Variants in ARHGEF16 observed in about 807,000 individuals in gnomAD.
The protein encoded by ARHGEF16 is Rho guanine exchange factor (GEF) 16.
A neutral mutation model predicts 74.1 loss-of-function variants in ARHGEF16; 59 were observed. The ratio of observed to expected loss-of-function variants is 0.80; its 90% CI spans 0.65 to 0.99. The LOEUF (loss-of-function observed/expected upper bound fraction) is 0.99, where lower values mean the gene tolerates loss of function less well. Among genes scored for constraint, ARHGEF16 ranks in the 50% least tolerant of loss-of-function variants. The pLI is 0.00. For synonymous variants in ARHGEF16, 415 were observed against 412.6 expected (o/e 1.01, Z -0.07); for missense variants, 948 against 986.6 (o/e 0.96, Z 0.52).
intron 11 of ARHGEF16, 56 bp from the exon 12 acceptor site, chr1:3,478,368 C>G: frequency 1.3e-6 from 2 of 1,522,330 alleles, no homozygotes; most frequent in South Asian, 2.5e-5. Flanking sequence ...GGGAGCCCAG[C>G]AGCACTGGGT....
intron 3 of ARHGEF16, among the ~76,000 whole-genome samples, chr1:3,466,502 G>A (rs1639549285): frequency 6.6e-6 from 1 of 152,168 alleles, no homozygotes; most frequent in African/African-American, 2.4e-5. Flanking sequence ...TGGCCGTGTT[G>A]GGGGACCAAG....
chr1:3,472,712 AAGGGCGAAGGGCACCAAC>A, intron 6 of ARHGEF16: 1 of 174,966 alleles, frequency 5.7e-6, no homozygotes, highest in Non-Finnish European at 1.2e-5. Flanking sequence ...AAGGAGCTTG[AAGGGCGAAGGGCACCAAC>A]TGGACAGGGC....
chr1:3,459,025 C>T (rs1411019770), intron 1 of ARHGEF16, among the ~76,000 whole-genome samples: 2 of 152,156 alleles, frequency 1.3e-5, no homozygotes. Context: ...AGTGGGTATT[C>T]CAAAAAGAGA....
At position 3,478,443 on chromosome 1, in the gene ARHGEF16, C is replaced by T. The variant is rs759352437; in HGVS notation, c.1645C>T (p.Gln549Ter). The T allele has an allele frequency of 1.2e-6, 2 of 1,609,998 alleles. No individual in the cohort carries two copies. The highest frequency in any genetic ancestry group is 3.3e-5 in the Admixed American group (2 of 59,880). The change falls in exon 12 of 15, where the codon CAG (glutamine) becomes TAG (stop). Residue 549 changes from glutamine (Q) to a stop codon, truncating the protein, a stop_gained. Coordinates refer to ENST00000378378, the MANE Select transcript of ARHGEF16 (RefSeq NM_014448.4). LOFTEE classifies it high-confidence loss of function. ...KKKSEESYMV[Q>*]DYAQMNHIQV... ...CCACAGCGAGGAGAGCTACATGGTC[C>T]AGGACTACGCCCAGATGAACCACAT...
At chr1:3,473,048 G>A in intron 6 of ARHGEF16, 30 bp from the exon 7 acceptor site, 1 of 1,604,664 alleles carries the variant, frequency 6.2e-7, no homozygotes, top group Non-Finnish European at 8.5e-7. Context: ...CCAGGCCCGT[G>A]GCACCCTCCT....
chr1:3,465,962 C>G, intron 2 of ARHGEF16, 186 bp from the exon 3 acceptor site: 1 of 637,586 alleles, frequency 1.6e-6, no homozygotes, highest in Non-Finnish European at 2.7e-6. Flanking sequence ...GTCCTGCCTG[C>G]TCTGAGCCCT....
At chr1:3,465,058 G>A (rs912770759) in intron 2 of ARHGEF16, among the ~76,000 whole-genome samples, 4 of 152,218 alleles carry the variant, frequency 2.6e-5, no homozygotes, top group African/African-American at 4.8e-5. Context: ...CACCTCTGCC[G>A]CAGGCCCCTG....
chr1:3,463,694 C>T, intron 2 of ARHGEF16, 22 bp downstream of exon 2: 3 of 1,384,144 alleles, frequency 2.2e-6, no homozygotes, highest in South Asian at 4.0e-5. Context: ...CTCGTGTGGA[C>T]CGTGGGGAGG....
At chr1:3,476,697 G>T (rs1468942412) in intron 10 of ARHGEF16, among the ~76,000 whole-genome samples, 1 of 152,150 alleles carries the variant, frequency 6.6e-6, no homozygotes, top group Non-Finnish European at 1.5e-5. Context: ...GGCCCAGGTG[G>T]GTCTCCTGTC....
rs374986587 is a variant in ARHGEF16 at position 3,480,978 on chromosome 1, CCT to C, written c.*392_*393del. ...GGTCTCCTCCTATGCCCTTCCTACC[CCT>C]GAGTGGGACAAGAAGGGCCCTGAGT... On this transcript the variant is annotated 3_prime_UTR_variant, in exon 15 of 15. Transcript: ENST00000378378. 7.4e-5 allele frequency: 15 copies of C among 201,874 alleles called. No individual in the cohort carries two copies. Among genetic ancestry groups the C allele is most frequent in the African/African-American group, 1.9e-4 (8 of 43,154 alleles). 12.5% of individuals were successfully genotyped at this position (201,874 alleles called of 1,614,324 possible). A position where few individuals can be genotyped will look rare whatever the true frequency, so the allele number is the denominator to read the frequency against.
rs1291581404 is a variant in ARHGEF16 at position 3,463,177 on chromosome 1, A to G, written c.93A>G (p.Pro31=). 6.6e-7 allele frequency: 1 copy of G among 1,526,076 alleles called. No individual in the cohort carries two copies. The highest frequency in any genetic ancestry group is 2.5e-5 in the East Asian group (1 of 40,446). The allele number at this position is 1,526,076 out of a possible 1,614,324, so 94.5% of individuals were successfully genotyped here. ...SELRLDAGGN[P]ASGLPMVRGS... ...TCCGGCTCGATGCCGGGGGGAACCC[A>G]GCCTCCGGGCTCCCAATGGTCCGTG... is the stretch of plus-strand genomic sequence containing the variant. The change falls in exon 2 of 15, where the codon CCA becomes CCG. Residue 31 remains proline (P), a synonymous_variant. Coordinates refer to ENST00000378378, the MANE Select transcript of ARHGEF16 (RefSeq NM_014448.4).
At chr1:3,456,043 G>C (rs1386048715) in intron 1 of ARHGEF16, among the ~76,000 whole-genome samples, 1 of 152,322 alleles carries the variant, frequency 6.6e-6, no homozygotes, top group East Asian at 1.9e-4. Flanking sequence ...TGTCTTGGGG[G>C]CTTCCTGGAA....
At chr1:3,472,883 G>GC in intron 6 of ARHGEF16, 195 bp from the exon 7 acceptor site, 2 of 114,400 alleles carry the variant, frequency 1.7e-5, no homozygotes, top group Non-Finnish European at 1.7e-5. Flanking sequence ...CTTCCCACCC[G>GC]CCCTCCCTGC....
At chr1:3,478,267 C>A in intron 11 of ARHGEF16, 157 bp from the exon 12 acceptor site, 1 of 962,602 alleles carries the variant, frequency 1.0e-6, no homozygotes, top group Non-Finnish European at 1.6e-6. Flanking sequence ...ACTCGAAAGC[C>A]ATGGCCTCTG....
In ARHGEF16 at chr1:3,478,490, G is replaced by C. The variant is rs200456134; in HGVS notation, c.1692G>C (p.Pro564=). The C allele has an allele frequency of 3.7e-6, 6 of 1,612,612 alleles. No homozygotes were observed. In the South Asian group the frequency reaches 4.4e-5, roughly 12 times the overall value. Residue 564 remains proline (P), a synonymous_variant, in exon 12 of 15, where the codon CCG becomes CCC. Coordinates refer to ENST00000378378, the MANE Select transcript of ARHGEF16 (RefSeq NM_014448.4). The part of the protein sequence containing the change: ...MNHIQVEKIE[P]SELPLPGGGN... ...ACATCCAGGTGGAGAAGATAGAGCC[G>C]TCTGAGCTCCCTCTGCCCGGGGGCG...
At chr1:3,457,800 T>C (rs1425286658) in intron 1 of ARHGEF16, among the ~76,000 whole-genome samples, 6 of 152,120 alleles carry the variant, frequency 3.9e-5, no homozygotes, top group Non-Finnish European at 8.8e-5. Context: ...GCTGCACGCC[T>C]CCTCCTGGCA....
chr1:3,466,355 C>T (rs1639544685), intron 3 of ARHGEF16, among the ~76,000 whole-genome samples, 162 bp downstream of exon 3: 2 of 152,086 alleles, frequency 1.3e-5, no homozygotes, highest in Admixed American at 6.5e-5. Flanking sequence ...CTGGTCTGTT[C>T]ATGTAGCCCT....
At chr1:3,470,421 G>T in intron 6 of ARHGEF16, among the ~76,000 whole-genome samples, 1 of 150,010 alleles carries the variant, frequency 6.7e-6, no homozygotes, top group East Asian at 2.0e-4. Flanking sequence ...TGTGTGCATG[G>T]GTGTGGGGCA....
intron 1 of ARHGEF16, among the ~76,000 whole-genome samples, chr1:3,461,782 G>A (rs888540161): frequency 9.9e-5 from 15 of 152,214 alleles, no homozygotes; most frequent in African/African-American, 2.9e-4. Context: ...TCGGTCACAC[G>A]GGGTCCAGGC....
Sources: gnomAD v4.1 joint callset for allele counts (sites outside exome capture counted in the v4.1 genomes callset) on GRCh38, gnomAD v4.1.1 for gene constraint, MANE v1.5 for transcripts, NCBI Gene and HGNC (gene_info 2026-07-23, HGNC 2026-07-21) for gene names.